KIAA1217: variants seen among roughly 807,000 people sequenced by gnomAD.
KIAA1217 encodes KIAA1217.
KIAA1217 carries 88 observed loss-of-function variants against 163.9 expected under a neutral mutation model. The ratio of observed to expected loss-of-function variants is 0.54; its 90% CI spans 0.45 to 0.64. The LOEUF (loss-of-function observed/expected upper bound fraction) is 0.64, where lower values mean the gene tolerates loss of function less well. KIAA1217 is among the 30% of genes least tolerant of loss of function. The pLI is 0.00. For synonymous variants in KIAA1217, 903 were observed against 923.1 expected, an observed-to-expected ratio of 0.98 and a Z score of 0.39; for missense variants, 2,372 against 2,475.0, an observed-to-expected ratio of 0.96 and a Z score of 0.88.
intron 1 of KIAA1217, among the ~76,000 whole-genome samples, chr10:23,934,717 A>C (rs1309109116): frequency 4.0e-5 from 6 of 148,176 alleles, no homozygotes; most frequent in Admixed American, 2.7e-4. Context: ...TCCCGGGTTC[A>C]CGCCATTCTC....
chr10:24,063,493 G>A (rs1175786992), intron 2 of KIAA1217, among the ~76,000 whole-genome samples: 1 of 152,088 alleles, frequency 6.6e-6, no homozygotes, highest in Non-Finnish European at 1.5e-5. Context: ...TGTTCCATCG[G>A]TCTATATCCC....
At position 24,219,676 on chromosome 10, in the gene KIAA1217, C is replaced by G. The variant is rs143159540; in HGVS notation, c.121C>G (p.Arg41Gly). The change falls in exon 2 of 21, where the codon CGC becomes GGC. Residue 41 changes from arginine to glycine, a missense_variant. Physicochemically the swap from Arg to Gly is moderately radical, Grantham distance 125. Coordinates refer to ENST00000376454, the MANE Select transcript of KIAA1217 (RefSeq NM_019590.5). ...HVTSPEDAEC[R>G]RTKERLSNGN... ...AACATCACCAGAAGATGCAGAATGC[C>G]GCAGAACCAAGGAACGCCTTTCTAA... 1.2e-6 allele frequency: 2 copies of G among 1,613,252 alleles called. No individual in the cohort carries two copies. The highest frequency in any genetic ancestry group is 3.3e-5 in the Admixed American group (2 of 59,898).
At chr10:23,739,981 C>A (rs887066870) in intron 1 of KIAA1217, among the ~76,000 whole-genome samples, 6 of 152,072 alleles carry the variant, frequency 3.9e-5, no homozygotes, top group Non-Finnish European at 8.8e-5. Context: ...ATTGAGTTGC[C>A]ACCTTCTGAG....
At chr10:24,256,244 G>T (rs2075148645) in intron 2 of KIAA1217, among the ~76,000 whole-genome samples, 1 of 152,144 alleles carries the variant, frequency 6.6e-6, no homozygotes, top group African/African-American at 2.4e-5. Flanking sequence ...CACAGACAGT[G>T]TTGATCTGGC....
intron 1 of KIAA1217, 73 bp downstream of exon 1, chr10:24,209,336 C>CTGCA: frequency 8.9e-7 from 1 of 1,119,092 alleles, no homozygotes; most frequent in Non-Finnish European, 1.3e-6. Flanking sequence ...TTTTTATAAA[C>CTGCA]TGCAGCTCTG....
intron 14 of KIAA1217, among the ~76,000 whole-genome samples, 172 bp from the exon 15 acceptor site, chr10:24,531,657 CT>C (rs2073145281): frequency 6.6e-6 from 1 of 152,064 alleles, no homozygotes; most frequent in Admixed American, 6.6e-5. Context: ...TGTGCAGGGT[CT>C]TTTTGGGATT....
At chr10:23,764,504 C>T (rs1834416946) in intron 1 of KIAA1217, among the ~76,000 whole-genome samples, 1 of 152,122 alleles carries the variant, frequency 6.6e-6, no homozygotes, top group Non-Finnish European at 1.5e-5. Context: ...CATATGTTTA[C>T]TACAGCACTA....
intron 4 of KIAA1217, among the ~76,000 whole-genome samples, chr10:24,437,950 T>C (rs2131965913): frequency 6.8e-6 from 1 of 147,570 alleles, no homozygotes; most frequent in East Asian, 2.0e-4. Context: ...TCTTCTTTCA[T>C]GTACATTCAT....
intron 2 of KIAA1217, among the ~76,000 whole-genome samples, chr10:24,291,300 G>T (rs539014345): frequency 6.6e-6 from 1 of 152,088 alleles, no homozygotes; most frequent in Admixed American, 6.5e-5. Flanking sequence ...AGGCTGAGGC[G>T]GGCGGATCAC....
At chr10:23,883,048 G>C (rs1485550702) in intron 1 of KIAA1217, among the ~76,000 whole-genome samples, 1 of 151,772 alleles carries the variant, frequency 6.6e-6, no homozygotes, top group Non-Finnish European at 1.5e-5. Context: ...AGCTATTTTA[G>C]CTTCATGCAC....
At chr10:23,852,599 C>G (rs1359777136) in intron 1 of KIAA1217, among the ~76,000 whole-genome samples, 1 of 152,162 alleles carries the variant, frequency 6.6e-6, no homozygotes, top group Admixed American at 6.5e-5. Flanking sequence ...TGTAAATTAC[C>G]TTGGGCCGTA....
At chr10:24,359,654 A>G (rs1406948824) in intron 2 of KIAA1217, among the ~76,000 whole-genome samples, 1 of 152,230 alleles carries the variant, frequency 6.6e-6, no homozygotes, top group East Asian at 1.9e-4. Flanking sequence ...TATACTTTCA[A>G]CCACTATCCT....
Position 23,757,204 on chromosome 10 carries a change from G to C in KIAA1217, c.-321+61970G>C, listed in dbSNP as rs1366639841. Among the ~76,000 whole-genome samples, 44 of 152,008 alleles carry C rather than the reference G, an allele frequency of 2.9e-4. 1 individual carries two copies. On this transcript the variant is annotated intron_variant, in intron 1 of 18. Coordinates refer to the KIAA1217 transcript ENST00000376462. ...CATGTCTGTGGAAATATATCTTCGA[G>C]ATCCCACTTTAAACTCTTTTGGGTA...
chr10:24,088,256 C>CATATATATATAT (rs758367708), intron 2 of KIAA1217, among the ~76,000 whole-genome samples: 4 of 95,860 alleles, frequency 4.2e-5, no homozygotes, highest in African/African-American at 1.3e-4. Flanking sequence ...TTTTAATATA[C>CATATATATATAT]ATATATATAT....
intron 6 of KIAA1217, among the ~76,000 whole-genome samples, chr10:24,490,149 T>C (rs984817728): frequency 1.3e-5 from 2 of 152,248 alleles, no homozygotes; most frequent in Admixed American, 1.3e-4. Context: ...CAGGCTGACT[T>C]AAGACATTAA....
chr10:23,803,084 C>A (rs1001763708), intron 1 of KIAA1217, among the ~76,000 whole-genome samples: 1 of 152,160 alleles, frequency 6.6e-6, no homozygotes, highest in Non-Finnish European at 1.5e-5. Context: ...TCAGATTTCT[C>A]TACAAGGTGA....
chr10:24,173,679 T>C (rs2065738285), intron 2 of KIAA1217, among the ~76,000 whole-genome samples: 1 of 152,234 alleles, frequency 6.6e-6, no homozygotes, highest in Non-Finnish European at 1.5e-5. Flanking sequence ...AAGTAGAAAC[T>C]GATTCTAAAA....
At chr10:23,777,333 C>G (rs1480750244) in intron 1 of KIAA1217, among the ~76,000 whole-genome samples, 2 of 151,990 alleles carry the variant, frequency 1.3e-5, no homozygotes, top group Non-Finnish European at 2.9e-5. Context: ...TTTTCCTTTC[C>G]AGTTTAAAAG....
chr10:23,855,987 G>A (rs1448449244), intron 1 of KIAA1217, among the ~76,000 whole-genome samples: 11 of 152,030 alleles, frequency 7.2e-5, no homozygotes, highest in Admixed American at 1.3e-4. Flanking sequence ...TAGTTTGATC[G>A]TCTGAAGCAT....
Sources: gnomAD v4.1 joint callset for allele counts (sites outside exome capture counted in the v4.1 genomes callset) on GRCh38, gnomAD v4.1.1 for gene constraint, MANE v1.5 for transcripts, NCBI Gene and HGNC (gene_info 2026-07-23, HGNC 2026-07-21) for gene names.